The following IL20RB variants were observed in gnomAD, a reference collection of about 807,000 sequenced individuals.
IL20RB encodes the protein interleukin 20 receptor subunit beta.
In IL20RB, 21 loss-of-function variants were observed where a neutral mutation model predicts 33.3. The ratio of observed to expected loss-of-function variants is 0.63; its 90% CI spans 0.45 to 0.91. IL20RB has a LOEUF of 0.91. Ranked by LOEUF, IL20RB falls within the 40% of genes least tolerant of loss-of-function variation. IL20RB has a pLI of 0.00. For missense variants in IL20RB, 345 were observed against 384.8 expected (o/e 0.90, Z 0.86); for synonymous variants, 147 against 146.8 (o/e 1.00, Z -0.01).
chr3:136,980,918 A>G (rs1941756025), intron 2 of IL20RB, among the ~76,000 whole-genome samples: 1 of 152,212 alleles, frequency 6.6e-6, no homozygotes, highest in Non-Finnish European at 1.5e-5. Context: ...TTAAGGGTGG[A>G]GGAGTCCTCA....
chr3:136,985,740 T>C (rs562921133), intron 3 of IL20RB, among the ~76,000 whole-genome samples: 1 of 152,314 alleles, frequency 6.6e-6, no homozygotes, highest in South Asian at 2.1e-4. Flanking sequence ...TGCCTGGGGC[T>C]CTTCCCCAGA....
intron 3 of IL20RB, among the ~76,000 whole-genome samples, chr3:136,987,078 T>C (rs1442026475): frequency 6.6e-6 from 1 of 152,134 alleles, no homozygotes; most frequent in Non-Finnish European, 1.5e-5. Context: ...GCAAGATTTA[T>C]TGCAAAGAGC....
At chr3:136,995,917 G>T (rs1942117859) in intron 6 of IL20RB, among the ~76,000 whole-genome samples, 1 of 152,102 alleles carries the variant, frequency 6.6e-6, no homozygotes, top group Non-Finnish European at 1.5e-5. Context: ...TCCCACAATT[G>T]TAACAGCAGC....
At chr3:136,999,884 T>C (rs1054538557) in intron 6 of IL20RB, among the ~76,000 whole-genome samples, 2 of 152,236 alleles carry the variant, frequency 1.3e-5, no homozygotes, top group African/African-American at 2.4e-5. Context: ...TATTTGGTCA[T>C]TTATTATGAG....
At chr3:136,990,550 C>G (rs1942012217) in intron 4 of IL20RB, among the ~76,000 whole-genome samples, 1 of 152,178 alleles carries the variant, frequency 6.6e-6, no homozygotes, top group Admixed American at 6.5e-5. Flanking sequence ...TGTCCTCTCT[C>G]CTTTGTCCCT....
At chr3:136,961,754 A>G (rs570754276) in intron 1 of IL20RB, among the ~76,000 whole-genome samples, 2 of 152,328 alleles carry the variant, frequency 1.3e-5, no homozygotes, top group South Asian at 2.1e-4. Context: ...CAAATGTATT[A>G]TGGTTACATA....
At chr3:137,007,219 T>G (rs1942366849) in intron 6 of IL20RB, among the ~76,000 whole-genome samples, 1 of 151,728 alleles carries the variant, frequency 6.6e-6, no homozygotes, top group Non-Finnish European at 1.5e-5. Flanking sequence ...CTGGGAGGTG[T>G]CTCCCAGTTA....
At chr3:136,986,819 A>T in intron 3 of IL20RB, 2 of 451,408 alleles carry the variant, frequency 4.4e-6, no homozygotes, top group Non-Finnish European at 4.4e-6. Flanking sequence ...GCGCGTCTGG[A>T]GTCTGTCCCT....
At chr3:136,994,638 C>T (rs1371178153) in intron 5 of IL20RB, among the ~76,000 whole-genome samples, 1 of 152,170 alleles carries the variant, frequency 6.6e-6, no homozygotes, top group East Asian at 1.9e-4. Flanking sequence ...CTCAAGGTTA[C>T]ATAGAACTGA....
chr3:136,970,071 A>G (rs977722103), intron 1 of IL20RB, among the ~76,000 whole-genome samples: 1 of 151,394 alleles, frequency 6.6e-6, no homozygotes, highest in African/African-American at 2.4e-5. Context: ...TTATTTGTTT[A>G]AAGCGTTTTT....
At chr3:136,980,290 GC>G (rs1941736330) in intron 1 of IL20RB, 175 bp from the exon 2 acceptor site, 1 of 623,390 alleles carries the variant, frequency 1.6e-6, no homozygotes, top group Non-Finnish European at 2.7e-6. Flanking sequence ...AACATGTGAG[GC>G]TTTTTTTTTT....
chr3:136,982,121 A>G lies in IL20RB; in HGVS notation c.216-39A>G, dbSNP rs533455868. 6.3e-6 allele frequency: 9 copies of G among 1,434,096 alleles called. No individual in the cohort carries two copies. The South Asian group carries it at 1.3e-4, about 21-fold the overall frequency. 88.8% of individuals were successfully genotyped at this position (1,434,096 alleles called of 1,614,324 possible). The stretch of plus-strand genomic sequence containing the variant: ...GCAACCATAACTGAGCCTGTGTCAG[A>G]GGGGCTGGTGTAACTCTGTGCCCTC... On this transcript the variant is annotated intron_variant, in intron 2 of 6. Transcript: ENST00000329582.
Position 136,987,112 on chromosome 3 carries a change from T to C in IL20RB, c.407-2329T>C, listed in dbSNP as rs568278574. On this transcript the variant is annotated intron_variant, in intron 3 of 6. Coordinates refer to ENST00000329582, the MANE Select transcript of IL20RB (RefSeq NM_144717.4). ...GCGAAAGAACAAAGCTTCCACAGTG[T>C]GGAAGGGGACCCGAGCGGGTTGCCA... Among the ~76,000 whole-genome samples, 189 of 151,692 alleles carry C rather than the reference T, an allele frequency of 1.2e-3. 3 individuals are homozygous for C. In the East Asian group the frequency reaches 0.03, roughly 24 times the overall value.
chr3:136,971,293 G>T (rs555019284), intron 1 of IL20RB, among the ~76,000 whole-genome samples: 89 of 152,214 alleles, frequency 5.8e-4, no homozygotes, highest in African/African-American at 2.1e-3. Flanking sequence ...ACCACACCCG[G>T]CTAATTTTTG....
At chr3:136,959,836 G>A (rs1035353833) in intron 1 of IL20RB, among the ~76,000 whole-genome samples, 42 of 152,254 alleles carry the variant, frequency 2.8e-4, no homozygotes, top group South Asian at 1.0e-3. Flanking sequence ...ATCATGTAAC[G>A]TCAGTTTCCC....
chr3:137,010,018 A>C, intron 6 of IL20RB, 95 bp from the exon 7 acceptor site: 1 of 689,068 alleles, frequency 1.5e-6, no homozygotes, highest in Non-Finnish European at 2.5e-6. Context: ...GCTGCTTGGA[A>C]ATTAATTAAT....
chr3:137,004,014 G>A (rs1461098440), intron 6 of IL20RB, among the ~76,000 whole-genome samples: 2 of 152,198 alleles, frequency 1.3e-5, no homozygotes, highest in East Asian at 3.8e-4. Flanking sequence ...CATCTATTGA[G>A]ATAATGGTGT....
intron 1 of IL20RB, among the ~76,000 whole-genome samples, chr3:136,972,745 T>G (rs539595546): frequency 6.6e-6 from 1 of 151,130 alleles, no homozygotes; most frequent in South Asian, 2.1e-4. Flanking sequence ...AAGAAAAATT[T>G]TTTTTTTTCA....
intron 1 of IL20RB, among the ~76,000 whole-genome samples, chr3:136,969,952 TAA>T (rs996876799): frequency 7.2e-5 from 11 of 152,272 alleles, no homozygotes; most frequent in African/African-American, 2.4e-4. Flanking sequence ...TGTTTTTTCC[TAA>T]AAGTTTTAGA....
Sources: allele counts gnomAD v4.1 joint callset (sites outside exome capture counted in the v4.1 genomes callset), GRCh38; gene constraint gnomAD v4.1.1; transcripts MANE v1.5; gene names NCBI Gene and HGNC (gene_info 2026-07-23, HGNC 2026-07-21).